The following CCDC18 variants were observed in gnomAD, a reference collection of about 807,000 sequenced individuals.
CCDC18 encodes the protein coiled-coil domain-containing protein 18.
Under a neutral mutation model 196.0 loss-of-function variants are expected in CCDC18, and 157 were observed. The observed-to-expected ratio is 0.80, with a 90% CI of 0.70 to 0.91. The LOEUF is 0.91. Ranked by LOEUF, CCDC18 falls within the 40% of genes least tolerant of loss-of-function variation. The probability of loss-of-function intolerance (pLI) is 0.00; values close to 1 mark genes in which losing one functional copy is unlikely to be tolerated. For synonymous variants in CCDC18, 482 were observed against 529.2 expected (o/e 0.91, Z 1.22); for missense variants, 1,465 against 1,611.6 (o/e 0.91, Z 1.56).
rs1027300740 is a variant in CCDC18, at chr1:93,190,792, A to C, written c.463-1208A>C. 9 of 681,646 alleles carry C rather than the reference A, an allele frequency of 1.3e-5. No homozygotes were observed. The African/African-American group carries it at 1.6e-4, about 12-fold the overall frequency. 42.2% of individuals were successfully genotyped at this position (681,646 alleles called of 1,614,324 possible). On this transcript the variant is annotated intron_variant, in intron 4 of 28. Coordinates refer to ENST00000690025, the MANE Select transcript of CCDC18 (RefSeq NM_001378204.1). Reference sequence around the variant, plus strand: ...GCTCTTACCTCCTCCCAGTTGAGAAAGCTTGCATCTTTTAATACTCAGCAT... The same window carrying C: ...GCTCTTACCTCCTCCCAGTTGAGAACGCTTGCATCTTTTAATACTCAGCAT...
intron 7 of CCDC18, among the ~76,000 whole-genome samples, chr1:93,204,725 T>C (rs2101886383): frequency 6.6e-6 from 1 of 152,260 alleles, no homozygotes; most frequent in East Asian, 1.9e-4. Context: ...AATATTAAGG[T>C]CTCACTAGGT....
At chr1:93,221,516 T>C (rs1657427914) in intron 14 of CCDC18, 93 bp from the exon 15 acceptor site, 1 of 868,962 alleles carries the variant, frequency 1.2e-6, no homozygotes, top group Non-Finnish European at 1.6e-6. Flanking sequence ...CAAAAATCTA[T>C]GTAATTTCAA....
intron 23 of CCDC18, among the ~76,000 whole-genome samples, chr1:93,253,914 A>C (rs1323884242): frequency 6.6e-6 from 1 of 152,208 alleles, no homozygotes; most frequent in Non-Finnish European, 1.5e-5. Flanking sequence ...ACAAACTCCT[A>C]CCTGAATCCT....
chr1:93,209,692 GT>G (rs1488962425), intron 9 of CCDC18, among the ~76,000 whole-genome samples: 1 of 152,152 alleles, frequency 6.6e-6, no homozygotes. Context: ...TTAATGTACT[GT>G]TTGCTTTTGA....
chr1:93,196,212 A>G (rs933407394), intron 6 of CCDC18, among the ~76,000 whole-genome samples: 21 of 152,244 alleles, frequency 1.4e-4, no homozygotes, highest in Non-Finnish European at 2.5e-4. Context: ...AGTCCCAGCT[A>G]CTCAGGAGGT....
intron 13 of CCDC18, among the ~76,000 whole-genome samples, chr1:93,217,181 G>A (rs1222751145): frequency 2.6e-5 from 4 of 151,986 alleles, no homozygotes; most frequent in African/African-American, 4.8e-5. Context: ...TGATCCACCC[G>A]CCTCAGCCTT....
At chr1:93,265,613 T>C (rs1269066653) in intron 27 of CCDC18, among the ~76,000 whole-genome samples, 1 of 152,124 alleles carries the variant, frequency 6.6e-6, no homozygotes, top group Non-Finnish European at 1.5e-5. Context: ...AGAATGTGAA[T>C]GTAGGATTTA....
Position 93,270,804 on chromosome 1 carries a change from G to A in CCDC18, c.4343G>A (p.Gly1448Asp). 6.5e-7 allele frequency: 1 copy of A among 1,529,196 alleles called. No individual in the cohort carries two copies. The highest frequency in any genetic ancestry group is 1.2e-5 in the South Asian group (1 of 81,480). The allele number at this position is 1,529,196 out of a possible 1,614,324, so 94.7% of individuals were successfully genotyped here. ...AAGTCTTCTATGCAAACAGGTGCTG[G>A]TTTAAATCAGGTATGTATTTTATAC... ...LKKSSMQTGAGLNQGENV is the reference protein window; with the variant it reads ...LKKSSMQTGADLNQGENV The change falls in exon 28 of 29, where the codon GGT becomes GAT. Residue 1448 changes from glycine to aspartate, a missense_variant. Gly to Asp is a moderately conservative substitution (Grantham distance 94). Coordinates refer to ENST00000690025, the MANE Select transcript of CCDC18 (RefSeq NM_001378204.1).
At chr1:93,231,574 A>G (rs979896412) in intron 17 of CCDC18, among the ~76,000 whole-genome samples, 2 of 152,172 alleles carry the variant, frequency 1.3e-5, no homozygotes, top group African/African-American at 4.8e-5. Flanking sequence ...TGTTGATAGT[A>G]TTTTAAAAAT....
At chr1:93,186,001 A>C (rs1357539881) in intron 3 of CCDC18, among the ~76,000 whole-genome samples, 2 of 151,920 alleles carry the variant, frequency 1.3e-5, no homozygotes, top group Non-Finnish European at 2.9e-5. Context: ...GTAGCTATGA[A>C]TAGTTTTATA....
chr1:93,201,774 G>T, intron 6 of CCDC18, 118 bp from the exon 7 acceptor site: 1 of 575,574 alleles, frequency 1.7e-6, no homozygotes, highest in South Asian at 3.6e-5. Context: ...CTCCTTTTTA[G>T]TGCAGAGAAA....
intron 28 of CCDC18, chr1:93,271,046 C>T (rs1665216280): frequency 1.2e-5 from 12 of 979,814 alleles, no homozygotes; most frequent in African/African-American, 3.6e-5. Flanking sequence ...GGAAGTAGAA[C>T]GAAAAATAGG....
intron 21 of CCDC18, among the ~76,000 whole-genome samples, chr1:93,243,910 ATTC>A (rs1475892555): frequency 6.6e-6 from 1 of 152,104 alleles, no homozygotes; most frequent in Non-Finnish European, 1.5e-5. Flanking sequence ...ATTTTCCTGT[ATTC>A]TTCTGAGCCC....
At chr1:93,214,419 TA>T (rs762019044) in intron 11 of CCDC18, among the ~76,000 whole-genome samples, 6 of 152,086 alleles carry the variant, frequency 3.9e-5, no homozygotes, top group Non-Finnish European at 7.4e-5. Flanking sequence ...CAGGGCAACT[TA>T]AAAAAAATTT....
intron 27 of CCDC18, among the ~76,000 whole-genome samples, chr1:93,266,480 C>A (rs1664523555): frequency 6.6e-6 from 1 of 152,034 alleles, no homozygotes; most frequent in South Asian, 2.1e-4. Flanking sequence ...ACAAAAAACC[C>A]TTCAAAAAAT....
chr1:93,271,174 C>T (rs1665228043), intron 28 of CCDC18: 3 of 985,324 alleles, frequency 3.0e-6, no homozygotes, highest in South Asian at 4.7e-5. Flanking sequence ...TGAATGTTCT[C>T]ATAACTTCGT....
At position 93,239,386 on chromosome 1, in the gene CCDC18, G is replaced by A; in HGVS notation, c.2680G>A (p.Asp894Asn). The A allele has an allele frequency of 6.2e-7, 1 of 1,613,396 alleles. No individual in the cohort carries two copies. Among genetic ancestry groups the A allele is most frequent in the South Asian group, 1.1e-5 (1 of 91,042 alleles). The part of the protein sequence containing the change: ...MEKEIMHLKR[D>N]GENKAMHLSQ... Reference sequence around the variant, plus strand: ...AAAGGAAATAATGCACCTAAAACGAGATGGAGAAAATAAAGCAATGCACCT... The same window carrying A: ...AAAGGAAATAATGCACCTAAAACGAAATGGAGAAAATAAAGCAATGCACCT... The change falls in exon 20 of 29, where the codon GAT becomes AAT. Residue 894 changes from aspartate to asparagine, a missense_variant. Coordinates refer to ENST00000690025, the MANE Select transcript of CCDC18 (RefSeq NM_001378204.1).
intron 28 of CCDC18, chr1:93,271,358 T>C: frequency 1.0e-6 from 1 of 984,912 alleles, no homozygotes; most frequent in Non-Finnish European, 1.2e-6. Flanking sequence ...TCTTTCCTTC[T>C]TTTGTCCCTT....
At chr1:93,218,836 G>T (rs1334678592) in intron 14 of CCDC18, among the ~76,000 whole-genome samples, 1 of 152,110 alleles carries the variant, frequency 6.6e-6, no homozygotes, top group Non-Finnish European at 1.5e-5. Context: ...ATGAATGTAG[G>T]TTCTGTGAGT....
Sources: allele counts gnomAD v4.1 joint callset (sites outside exome capture counted in the v4.1 genomes callset), GRCh38; gene constraint gnomAD v4.1.1; transcripts MANE v1.5; gene names NCBI Gene and HGNC (gene_info 2026-07-23, HGNC 2026-07-21).